RAB11FIP3: variants seen among roughly 807,000 people sequenced by gnomAD.
RAB11FIP3 encodes rab11 family-interacting protein 3.
RAB11FIP3 carries 17 observed loss-of-function variants against 77.8 expected under a neutral mutation model. That is an observed-to-expected ratio of 0.22 (90% CI 0.15 to 0.33). The LOEUF (loss-of-function observed/expected upper bound fraction) is 0.33, where lower values mean the gene tolerates loss of function less well. Ranked by LOEUF, RAB11FIP3 falls within the 10% of genes least tolerant of loss-of-function variation. The pLI, the probability that RAB11FIP3 is intolerant of heterozygous loss-of-function variation, is 1.00. For missense variants in RAB11FIP3, 1,005 were observed against 1,011.2 expected (o/e 0.99, Z 0.08); for synonymous variants, 437 against 448.2 (o/e 0.98, Z 0.31).
At chr16:464,859 A>T in intron 2 of RAB11FIP3, among the ~76,000 whole-genome samples, 1 of 152,146 alleles carries the variant, frequency 6.6e-6, no homozygotes, top group East Asian at 1.9e-4. Context: ...CACTCCATGC[A>T]CTCCAGCCTG....
intron 4 of RAB11FIP3, 39 bp from the exon 5 acceptor site, chr16:488,812 C>G: frequency 6.3e-7 from 1 of 1,597,678 alleles, no homozygotes; most frequent in East Asian, 2.2e-5. Flanking sequence ...GGTGCCCTGG[C>G]CTTCAGTCAG....
intron 1 of RAB11FIP3, among the ~76,000 whole-genome samples, chr16:448,702 C>T (rs1235618494): frequency 7.0e-6 from 1 of 142,904 alleles, no homozygotes; most frequent in Non-Finnish European, 1.5e-5. Context: ...TGCCACTGCA[C>T]TCCAGCCTGG....
At chr16:503,228 C>A (rs1031895430) in intron 7 of RAB11FIP3, 131 bp downstream of exon 7, 12 of 654,568 alleles carry the variant, frequency 1.8e-5, no homozygotes, top group Non-Finnish European at 3.1e-5. Context: ...CCAGGGCTCC[C>A]CAGACTGTCC....
At chr16:513,234 GT>G (rs922637246) in intron 9 of RAB11FIP3, among the ~76,000 whole-genome samples, 3 of 151,920 alleles carry the variant, frequency 2.0e-5, no homozygotes, top group Admixed American at 1.3e-4. Flanking sequence ...TTGTTTGTCT[GT>G]TTTGAGATGG....
At position 492,041 on chromosome 16, in the gene RAB11FIP3, G is replaced by A. The variant is rs116567883; in HGVS notation, c.1265+3041G>A. 4.3e-3 allele frequency among the ~76,000 whole-genome samples: 653 copies of A among 152,322 alleles called. 10 individuals are homozygous for A. The highest frequency in any genetic ancestry group is 0.014 in the African/African-American group (600 of 41,576). On this transcript the variant is annotated intron_variant, in intron 5 of 13. Transcript: ENST00000262305. ...TGAGTTATCCTGACGGTTCTAGCAT[G>A]TTTAGAGGTATCTGTGAAACTGCTT...
At chr16:519,395 T>C (rs1341431173) in intron 10 of RAB11FIP3, among the ~76,000 whole-genome samples, 1 of 152,206 alleles carries the variant, frequency 6.6e-6, no homozygotes, top group Non-Finnish European at 1.5e-5. Context: ...AGGTGTGCTC[T>C]GGGAAGCTCC....
chr16:449,405 G>C (rs1384306578), intron 1 of RAB11FIP3, among the ~76,000 whole-genome samples: 1 of 152,152 alleles, frequency 6.6e-6, no homozygotes, highest in Non-Finnish European at 1.5e-5. Context: ...AGAACCCTCA[G>C]GTTCAACCAC....
Position 426,067 on chromosome 16 carries a change from C to G in RAB11FIP3, c.61C>G (p.Pro21Ala). The G allele has an allele frequency of 1.0e-6, 1 of 1,000,346 alleles. No homozygotes were observed. The highest frequency in any genetic ancestry group is 1.2e-6 in the Non-Finnish European group (1 of 841,288). The allele number at this position is 1,000,346 out of a possible 1,614,324, so 62.0% of individuals were successfully genotyped here. A position where few individuals can be genotyped will look rare whatever the true frequency, so the allele number is the denominator to read the frequency against. ...GSEPPGPDPEPGGPDGPGAAQ... is the reference protein window; with the variant it reads ...GSEPPGPDPEAGGPDGPGAAQ... ...GGAGCCGCCGGGGCCCGACCCGGAG[C>G]CGGGCGGGCCGGACGGGCCGGGGGC... Residue 21 changes from proline (P) to alanine (A), a missense_variant, in exon 1 of 14, where the codon CCG becomes GCG. By Grantham distance (27) the Pro-to-Ala change is conservative. Around this residue, in one of 4 missense-constraint regions of RAB11FIP3, gnomAD observed 466 missense variants for 408.3 expected, o/e 1.14. Transcript: ENST00000262305. The surrounding 1 kb of genome is among the most constrained non-coding windows in gnomAD (Gnocchi z 5.0).
At chr16:477,432 C>A (rs2055938430) in intron 3 of RAB11FIP3, among the ~76,000 whole-genome samples, 1 of 152,190 alleles carries the variant, frequency 6.6e-6, no homozygotes, top group Non-Finnish European at 1.5e-5. Flanking sequence ...GGGTAGCTGG[C>A]AACTGCCCTC....
rs1394608746 is a variant in RAB11FIP3, at chr16:505,468, G to A, written c.1396-56G>A. ...GGCCTCCCAGGTTGTTCCCTTGGGG[G>A]TGCAGGCCCTTCTGCTTCTGGCTGC... On this transcript the variant is annotated intron_variant, in intron 7 of 13. Coordinates refer to ENST00000262305, the MANE Select transcript of RAB11FIP3 (RefSeq NM_014700.4). This position sits in a 1 kb window ranked among gnomAD's most constrained non-coding sequence, Gnocchi z 4.0. 4.3e-5 allele frequency: 62 copies of A among 1,438,174 alleles called. No individual in the cohort carries two copies. In the Middle Eastern group the frequency reaches 7.0e-4, roughly 16 times the overall value. The allele number at this position is 1,438,174 out of a possible 1,614,324, so 89.1% of individuals were successfully genotyped here.
chr16:459,686 A>G (rs886512647), intron 1 of RAB11FIP3, among the ~76,000 whole-genome samples: 4 of 151,960 alleles, frequency 2.6e-5, no homozygotes, highest in Non-Finnish European at 5.9e-5. Flanking sequence ...ATCCCATCTC[A>G]GCCTCTCAAA....
In RAB11FIP3 at chr16:520,255, A is replaced by G. The variant is rs1380896243; in HGVS notation, c.1994A>G (p.Gln665Arg). 1.3e-6 allele frequency: 2 copies of G among 1,547,396 alleles called. No homozygotes were observed. Among genetic ancestry groups the G allele is most frequent in the Non-Finnish European group, 1.7e-6 (2 of 1,148,890 alleles). ...CGCGCCCGGGAGAGCGAGCTGGAGC[A>G]GGAGGTCCGCAGGCTGAAGCAGGTG... ...HSRARESELE[Q>R]EVRRLKQDNR... The change falls in exon 12 of 14, where the codon CAG becomes CGG. Residue 665 changes from glutamine (Q) to arginine (R), a missense_variant. By Grantham distance (43) the Gln-to-Arg change is conservative. Around this residue, in one of 4 missense-constraint regions of RAB11FIP3, gnomAD observed 90 missense variants for 129.7 expected, o/e 0.69. Coordinates refer to ENST00000262305, the MANE Select transcript of RAB11FIP3 (RefSeq NM_014700.4).
intron 3 of RAB11FIP3, among the ~76,000 whole-genome samples, chr16:473,008 C>T (rs146544466): frequency 1.3e-5 from 2 of 152,274 alleles, no homozygotes; most frequent in African/African-American, 2.4e-5. Flanking sequence ...GCATCCTCTC[C>T]GAGAGCCTTA....
At chr16:487,759 CTG>C (rs919466860) in intron 4 of RAB11FIP3, among the ~76,000 whole-genome samples, 2 of 152,200 alleles carry the variant, frequency 1.3e-5, no homozygotes, top group African/African-American at 2.4e-5. Flanking sequence ...CCCCCGGCCG[CTG>C]TGTTTTCCAG....
chr16:484,884 A>G (rs2056122221), intron 4 of RAB11FIP3, among the ~76,000 whole-genome samples: 1 of 152,094 alleles, frequency 6.6e-6, no homozygotes, highest in Admixed American at 6.6e-5. Context: ...AAGTTCCTGC[A>G]GGGGCTGCAG....
intron 9 of RAB11FIP3, among the ~76,000 whole-genome samples, chr16:517,296 C>T (rs373190367): frequency 3.3e-5 from 5 of 152,114 alleles, no homozygotes; most frequent in Non-Finnish European, 7.4e-5. Context: ...GGGCTGGGCA[C>T]GGTGGCTCAC....
chr16:493,668 G>A (rs558953988), intron 5 of RAB11FIP3, among the ~76,000 whole-genome samples: 1 of 152,224 alleles, frequency 6.6e-6, no homozygotes, highest in Admixed American at 6.5e-5. Context: ...GTGCAGTGGT[G>A]CGATCTCGGC....
intron 1 of RAB11FIP3, among the ~76,000 whole-genome samples, chr16:453,651 C>T (rs902294285): frequency 2.1e-5 from 3 of 139,588 alleles, no homozygotes; most frequent in African/African-American, 8.3e-5. Context: ...AGTGCAGTGG[C>T]GCGATCTTGG....
Position 471,392 on chromosome 16 carries a change from A to G in RAB11FIP3, c.903+3A>G. 6.2e-7 allele frequency: 1 copy of G among 1,605,968 alleles called. No individual in the cohort carries two copies. Among genetic ancestry groups the G allele is most frequent in the South Asian group, 1.1e-5 (1 of 90,224 alleles). ...TCGATGACTTCGTCACCTATGAGGC[A>G]AGTGGTTTTCACCCAGGAGCTTGGG... On this transcript the variant is annotated splice_donor_region_variant and intron_variant, in intron 3 of 13. Transcript: ENST00000262305. This position sits in a 1 kb window ranked among gnomAD's most constrained non-coding sequence, Gnocchi z 4.4.
Sources: allele counts gnomAD v4.1 joint callset (sites outside exome capture counted in the v4.1 genomes callset), GRCh38; gene constraint gnomAD v4.1.1; regional missense constraint gnomAD v4.1.1; non-coding constraint Gnocchi (gnomAD v3.1); transcripts MANE v1.5; gene names NCBI Gene and HGNC (gene_info 2026-07-23, HGNC 2026-07-21).